UBR4: variants seen among roughly 807,000 people sequenced by gnomAD.
UBR4 encodes E3 ubiquitin-protein ligase UBR4.
UBR4 carries 124 observed loss-of-function variants against 575.6 expected under a neutral mutation model. The ratio of observed to expected loss-of-function variants is 0.22; its 90% CI spans 0.19 to 0.25. The LOEUF (loss-of-function observed/expected upper bound fraction) is 0.25. Ranked by LOEUF, UBR4 falls within the 10% of genes least tolerant of loss-of-function variation. UBR4 has a pLI of 1.00. For synonymous variants in UBR4, 2,455 were observed against 2,473.7 expected (o/e 0.99, Z 0.22); for missense variants, 4,818 against 6,478.8 (o/e 0.74, Z 8.80).
rs1294851217 is a variant in UBR4, at chr1:19,157,781, C to A, written c.5760+34G>T. The A allele has an allele frequency of 4.4e-6, 7 of 1,605,726 alleles. No individual in the cohort carries two copies. Among genetic ancestry groups the A allele is most frequent in the Non-Finnish European group, 6.0e-6 (7 of 1,174,398 alleles). On this transcript the variant is annotated intron_variant, in intron 40 of 105. Transcript: ENST00000375254. This position sits in a 1 kb window ranked among gnomAD's most constrained non-coding sequence, Gnocchi z 4.4. ...TTGCTTAGCATTTAAGACAATATGACCTAAAGTAAGCGCACAAGAATTGGA... is the reference window on the plus strand; with the variant it reads ...TTGCTTAGCATTTAAGACAATATGAACTAAAGTAAGCGCACAAGAATTGGA...
intron 74 of UBR4, among the ~76,000 whole-genome samples, chr1:19,115,160 T>TCCA (rs1557643544): frequency 1.3e-5 from 2 of 151,284 alleles, no homozygotes; most frequent in Admixed American, 1.3e-4. Flanking sequence ...GCCCTTACCC[T>TCCA]CCACCCCTGC....
chr1:19,144,619 CTT>C (rs1286873473), intron 54 of UBR4, among the ~76,000 whole-genome samples, 165 bp downstream of exon 54: 1 of 152,210 alleles, frequency 6.6e-6, no homozygotes, highest in African/African-American at 2.4e-5. Context: ...CTTTCCAAAT[CTT>C]TCTCTTCCAT....
intron 105 of UBR4, among the ~76,000 whole-genome samples, chr1:19,076,012 C>T (rs958743893): frequency 2.6e-5 from 4 of 152,164 alleles, no homozygotes; most frequent in African/African-American, 9.7e-5. Context: ...GCTGTAATGC[C>T]GCGGCGCCCA....
At chr1:19,121,095 G>C in intron 68 of UBR4, 94 bp downstream of exon 68, 1 of 1,513,772 alleles carries the variant, frequency 6.6e-7, no homozygotes, top group Non-Finnish European at 8.9e-7. Context: ...TCTAAATCAG[G>C]ATTAAAAGAC....
rs201127939 is a variant in UBR4 at position 19,167,024 on chromosome 1, G to A, written c.4107C>T (p.Asn1369=). Residue 1369 remains asparagine (N), a splice_region_variant and synonymous_variant, in exon 29 of 106, where the codon AAC becomes AAT. Coordinates refer to ENST00000375254, the MANE Select transcript of UBR4 (RefSeq NM_020765.3). The part of the protein sequence containing the change: ...YNILANHADP[N]SGLDESILEE... ...TGACTGTTCTCCATCAGGCTCACCT[G>A]TTAGGATCTGCATGATTGGCCAGAA... is the stretch of plus-strand genomic sequence containing the variant. 1.7e-4 allele frequency: 270 copies of A among 1,614,238 alleles called. 4 individuals are homozygous for A. In the South Asian group the frequency reaches 2.6e-3, roughly 15 times the overall value.
intron 94 of UBR4, 62 bp downstream of exon 94, chr1:19,094,844 G>C: frequency 6.3e-7 from 1 of 1,595,970 alleles, no homozygotes; most frequent in East Asian, 2.2e-5. Context: ...CAGGCCTGTT[G>C]TGGGCAATGA....
Position 19,112,669 on chromosome 1 carries a change from G to A in UBR4, c.11656C>T (p.Leu3886=). The A allele has an allele frequency of 6.2e-7, 1 of 1,614,282 alleles. No individual in the cohort carries two copies. Among genetic ancestry groups the A allele is most frequent in the South Asian group, 1.1e-5 (1 of 91,090 alleles). ...ASAVTEHCIT[L]LRALATNPAL... Reference sequence around the variant, plus strand: ...GGGTTGGTGGCCAGGGCCCGAAGTAGTGTGATACAATGTTCTGTGACAGCC... The same window carrying A: ...GGGTTGGTGGCCAGGGCCCGAAGTAATGTGATACAATGTTCTGTGACAGCC... Residue 3886 remains leucine, a synonymous_variant, in exon 78 of 106, where the codon CTA becomes TTA. Transcript: ENST00000375254.
At chr1:19,177,146 C>T (rs1030034098) in intron 19 of UBR4, among the ~76,000 whole-genome samples, 2 of 152,186 alleles carry the variant, frequency 1.3e-5, no homozygotes, top group Admixed American at 1.3e-4. Context: ...CAACCACTAA[C>T]AAATACTCAT....
chr1:19,113,771 G>A lies in UBR4; in HGVS notation c.11385C>T (p.Tyr3795=), dbSNP rs749762161. Residue 3795 remains tyrosine (Y), a synonymous_variant, in exon 77 of 106, where the codon TAC becomes TAT. Transcript: ENST00000375254. The stretch of plus-strand genomic sequence containing the variant: ...AATACTCCTGAGCCAACTGCAGGAT[G>A]TAACGATTCACACTGGCAGAAGTGG... The part of the protein sequence containing the change: ...ISSTSASVNR[Y]ILQLAQEYCG... 5 of 1,614,100 alleles carry A rather than the reference G, an allele frequency of 3.1e-6. No homozygotes were observed. The highest frequency in any genetic ancestry group is 4.5e-5 in the East Asian group (2 of 44,894).
At chr1:19,159,961 G>C (rs2087058401) in intron 39 of UBR4, 150 bp downstream of exon 39, 2 of 969,754 alleles carry the variant, frequency 2.1e-6, no homozygotes, top group East Asian at 2.7e-5. Flanking sequence ...ATATGTTCTG[G>C]GCATGTCATG....
intron 1 of UBR4, among the ~76,000 whole-genome samples, chr1:19,203,444 G>A (rs1330312390): frequency 6.6e-6 from 1 of 151,696 alleles, no homozygotes; most frequent in East Asian, 1.9e-4. Context: ...GAATTGCAGT[G>A]AGCTGAGATT....
At chr1:19,103,305 C>G (rs1187113371) in intron 87 of UBR4, among the ~76,000 whole-genome samples, 1 of 152,168 alleles carries the variant, frequency 6.6e-6, no homozygotes, top group African/African-American at 2.4e-5. Context: ...GACCTCACAC[C>G]TGTAATCCCA....
At chr1:19,102,939 C>T (rs1217249993) in intron 87 of UBR4, among the ~76,000 whole-genome samples, 2 of 152,158 alleles carry the variant, frequency 1.3e-5, no homozygotes, top group African/African-American at 4.8e-5. Context: ...TGAGCTGTCC[C>T]CTTATAGGGG....
At chr1:19,150,466 C>T in intron 49 of UBR4, 111 bp downstream of exon 49, 1 of 1,255,782 alleles carries the variant, frequency 8.0e-7, no homozygotes, top group Non-Finnish European at 1.1e-6. Flanking sequence ...TAAAAAAATT[C>T]CAGGCTAGCC....
At chr1:19,111,223 T>C (rs1429254754) in intron 78 of UBR4, among the ~76,000 whole-genome samples, 1 of 152,230 alleles carries the variant, frequency 6.6e-6, no homozygotes, top group Non-Finnish European at 1.5e-5. Context: ...AAGGCCCTCA[T>C]ATTCCAGTTT....
intron 81 of UBR4, among the ~76,000 whole-genome samples, chr1:19,108,900 C>T (rs1211725555): frequency 6.6e-6 from 1 of 152,134 alleles, no homozygotes; most frequent in African/African-American, 2.4e-5. Flanking sequence ...CAAGTAATTC[C>T]GTGAAAAATC....
In UBR4 at chr1:19,183,916, G is replaced by A. The variant is rs2091270782; in HGVS notation, c.2099-20C>T. 6.2e-7 allele frequency: 1 copy of A among 1,613,806 alleles called. No homozygotes were observed. Among genetic ancestry groups the A allele is most frequent in the South Asian group, 1.1e-5 (1 of 91,060 alleles). Reference sequence around the variant, plus strand: ...ATGAACCTTAAAGACAAGTAGAAAAGCCAATTATTTAAGCAGCTATTGAAT... The same window carrying A: ...ATGAACCTTAAAGACAAGTAGAAAAACCAATTATTTAAGCAGCTATTGAAT... On this transcript the variant is annotated intron_variant, in intron 16 of 105. Transcript: ENST00000375254.
Position 19,153,325 on chromosome 1 carries a change from G to C in UBR4, c.6808C>G (p.Arg2270Gly). 3.7e-6 allele frequency: 6 copies of C among 1,614,116 alleles called. No individual in the cohort carries two copies. The highest frequency in any genetic ancestry group is 3.3e-5 in the South Asian group (3 of 91,036). Residue 2270 changes from arginine to glycine, a missense_variant, in exon 46 of 106, where the codon CGA becomes GGA. Transcript: ENST00000375254. This position sits in a 1 kb window ranked among gnomAD's most constrained non-coding sequence, Gnocchi z 4.1. ...CTGATTGTAGCTGTTTTGCGCTTTC[G>C]AACAGGCTTCATGATGCTGATGACA... ...SSVISIMKPVRKRKTATITTR... is the reference protein window; with the variant it reads ...SSVISIMKPVGKRKTATITTR...
At chr1:19,207,434 G>A (rs1224289934) in intron 1 of UBR4, among the ~76,000 whole-genome samples, 1 of 152,218 alleles carries the variant, frequency 6.6e-6, no homozygotes, top group East Asian at 1.9e-4. Context: ...TTCAAGACCA[G>A]CCTGACCAGC....
Sources: gnomAD v4.1 joint callset for allele counts (sites outside exome capture counted in the v4.1 genomes callset) on GRCh38, gnomAD v4.1.1 for gene constraint, Gnocchi (gnomAD v3.1) non-coding constraint, MANE v1.5 for transcripts, NCBI Gene and HGNC (gene_info 2026-07-23, HGNC 2026-07-21) for gene names.